CAMK4: variants seen among roughly 807,000 people sequenced by gnomAD.
CAMK4 encodes calcium/calmodulin dependent protein kinase IV, also known as calcium/calmodulin-dependent protein kinase type IV.
Under a neutral mutation model 44.9 loss-of-function variants are expected in CAMK4, and 22 were observed. The observed-to-expected ratio is 0.49, with a 90% CI of 0.35 to 0.70. The LOEUF (loss-of-function observed/expected upper bound fraction) is 0.70, where lower values mean the gene tolerates loss of function less well. CAMK4 is among the 30% of genes least tolerant of loss of function. The probability of loss-of-function intolerance (pLI) is 0.01; values close to 1 mark genes in which losing one functional copy is unlikely to be tolerated. For synonymous variants in CAMK4, 218 were observed against 215.4 expected (o/e 1.01, Z -0.11); for missense variants, 498 against 586.8 (o/e 0.85, Z 1.56).
chr5:111,394,864 G>A, intron 5 of CAMK4, 82 bp downstream of exon 5: 3 of 845,178 alleles, frequency 3.5e-6, no homozygotes, highest in Non-Finnish European at 6.0e-6. Flanking sequence ...ATGCGCATCT[G>A]TGATAAGCCA....
intron 2 of CAMK4, among the ~76,000 whole-genome samples, chr5:111,345,582 G>C (rs1056347932): frequency 6.6e-6 from 1 of 151,950 alleles, no homozygotes; most frequent in African/African-American, 2.4e-5. Flanking sequence ...AGTAAAATTT[G>C]TGAAGGGCTA....
chr5:111,408,609 A>G (rs769447308), intron 5 of CAMK4, among the ~76,000 whole-genome samples: 49 of 152,118 alleles, frequency 3.2e-4, no homozygotes, highest in Non-Finnish European at 6.6e-4. Context: ...TTCAAAACCA[A>G]TCATGCCTTC....
At chr5:111,467,638 A>G (rs1754889248) in intron 7 of CAMK4, among the ~76,000 whole-genome samples, 1 of 152,192 alleles carries the variant, frequency 6.6e-6, no homozygotes, top group African/African-American at 2.4e-5. Context: ...ATTGCAAATC[A>G]ACACCGCAAT....
chr5:111,352,892 C>T (rs1750174239), intron 2 of CAMK4, among the ~76,000 whole-genome samples: 1 of 152,150 alleles, frequency 6.6e-6, no homozygotes, highest in South Asian at 2.1e-4. Flanking sequence ...AACCATACCA[C>T]TACTAACTAA....
chr5:111,329,447 T>A (rs1363663585), intron 1 of CAMK4, among the ~76,000 whole-genome samples: 1 of 151,900 alleles, frequency 6.6e-6, no homozygotes, highest in Non-Finnish European at 1.5e-5. Flanking sequence ...TGTCCCTGTT[T>A]ACAGATGACA....
chr5:111,428,583 A>G (rs1349849613), intron 5 of CAMK4, among the ~76,000 whole-genome samples: 3 of 152,230 alleles, frequency 2.0e-5, no homozygotes, highest in Admixed American at 6.5e-5. Context: ...GAAAAATGCA[A>G]TTGGCATGTT....
At chr5:111,474,780 A>C (rs1414158450) in intron 8 of CAMK4, among the ~76,000 whole-genome samples, 2 of 152,220 alleles carry the variant, frequency 1.3e-5, no homozygotes, top group Admixed American at 6.5e-5. Flanking sequence ...CAAGACAGAA[A>C]GGTTTAACAA....
At chr5:111,299,250 G>A (rs1405145496) in intron 1 of CAMK4, among the ~76,000 whole-genome samples, 3 of 152,246 alleles carry the variant, frequency 2.0e-5, no homozygotes, top group African/African-American at 7.2e-5. Context: ...GTCACATGAA[G>A]TACATTAGGT....
At chr5:111,428,119 TG>T (rs1365964794) in intron 5 of CAMK4, among the ~76,000 whole-genome samples, 2 of 152,264 alleles carry the variant, frequency 1.3e-5, no homozygotes, top group African/African-American at 4.8e-5. Flanking sequence ...TCCCGTATTT[TG>T]TCCAAGACCA....
At chr5:111,440,684 A>G (rs890587378) in intron 5 of CAMK4, among the ~76,000 whole-genome samples, 3 of 139,024 alleles carry the variant, frequency 2.2e-5, no homozygotes, top group Admixed American at 2.1e-4. Flanking sequence ...AGAGGAAGGA[A>G]GAGGTAAACA....
intron 4 of CAMK4, among the ~76,000 whole-genome samples, chr5:111,389,218 G>T (rs1048649469): frequency 6.6e-6 from 1 of 152,088 alleles, no homozygotes; most frequent in African/African-American, 2.4e-5. Context: ...GCTTTCTAGG[G>T]TGTCTTTTAT....
chr5:111,228,548 A>G (rs1244818583), intron 1 of CAMK4, among the ~76,000 whole-genome samples: 22 of 86,322 alleles, frequency 2.5e-4, no homozygotes, highest in African/African-American at 8.1e-4. Flanking sequence ...GTGTGTGTGT[A>G]TAAAACAGAA....
chr5:111,241,545 T>A (rs753782315), intron 1 of CAMK4, among the ~76,000 whole-genome samples: 1 of 152,164 alleles, frequency 6.6e-6, no homozygotes, highest in Non-Finnish European at 1.5e-5. Context: ...TCTTACTCTA[T>A]CTAGTCTTTG....
chr5:111,284,457 A>T (rs1036913678), intron 1 of CAMK4, among the ~76,000 whole-genome samples: 2 of 152,194 alleles, frequency 1.3e-5, no homozygotes, highest in African/African-American at 4.8e-5. Flanking sequence ...ATATCACTTC[A>T]TATTTGGATT....
chr5:111,343,895 C>CTA lies in CAMK4; in HGVS notation c.162-126_162-125dup, dbSNP rs1749751393. ...ATACTCTTGACAGCTAGGGCTGGTC[C>CTA]TATAATAGAACTTATAATAAGCACT... On this transcript the variant is annotated intron_variant, in intron 1 of 10. Transcript: ENST00000282356. 8.3e-6 allele frequency: 5 copies of CTA among 603,424 alleles called. No individual in the cohort carries two copies. The Admixed American group carries it at 1.3e-4, about 16-fold the overall frequency. 37.4% of individuals were successfully genotyped at this position (603,424 alleles called of 1,614,324 possible). A position where few individuals can be genotyped will look rare whatever the true frequency, so the allele number is the denominator to read the frequency against.
chr5:111,439,273 G>A (rs1753746964), intron 5 of CAMK4, among the ~76,000 whole-genome samples: 1 of 152,156 alleles, frequency 6.6e-6, no homozygotes, highest in Admixed American at 6.5e-5. Flanking sequence ...GCGAAGCAGG[G>A]ACTGGAGGAG....
At chr5:111,469,946 A>G (rs574338355) in intron 7 of CAMK4, among the ~76,000 whole-genome samples, 79 of 152,386 alleles carry the variant, frequency 5.2e-4, no homozygotes, top group African/African-American at 1.6e-3. Context: ...ACATATTTCT[A>G]TATTTATGTT....
At chr5:111,366,378 C>T (rs1450772014) in intron 2 of CAMK4, among the ~76,000 whole-genome samples, 1 of 152,078 alleles carries the variant, frequency 6.6e-6, no homozygotes, top group Non-Finnish European at 1.5e-5. Flanking sequence ...CAGGTCACCC[C>T]AGTTTTCCAA....
chr5:111,288,049 T>A (rs1369286291), intron 1 of CAMK4, among the ~76,000 whole-genome samples: 3 of 152,226 alleles, frequency 2.0e-5, no homozygotes, highest in Non-Finnish European at 4.4e-5. Flanking sequence ...GTTTTGAATT[T>A]TATATAAATG....
Sources: gnomAD v4.1 joint callset for allele counts (sites outside exome capture counted in the v4.1 genomes callset) on GRCh38, gnomAD v4.1.1 for gene constraint, MANE v1.5 for transcripts, NCBI Gene and HGNC (gene_info 2026-07-23, HGNC 2026-07-21) for gene names.